Variants in ZCCHC7 observed in about 807,000 individuals in gnomAD.
ZCCHC7 encodes the protein zinc finger CCHC-type containing 7, also known as zinc finger CCHC domain-containing protein 7.
A neutral mutation model predicts 52.0 loss-of-function variants in ZCCHC7; 35 were observed. The ratio of observed to expected loss-of-function variants is 0.67; its 90% confidence interval spans 0.51 to 0.89. The LOEUF (loss-of-function observed/expected upper bound fraction) is 0.89. Ranked by LOEUF, ZCCHC7 falls within the 40% of genes least tolerant of loss-of-function variation. The pLI, the probability that ZCCHC7 is intolerant of heterozygous loss-of-function variation, is 0.00. For synonymous variants in ZCCHC7, 217 were observed against 221.5 expected (o/e 0.98, Z 0.18); for missense variants, 574 against 649.1 (o/e 0.88, Z 1.26).
chr9:37,232,158 T>C (rs528119999), intron 2 of ZCCHC7, among the ~76,000 whole-genome samples: 1 of 152,322 alleles, frequency 6.6e-6, no homozygotes, highest in Admixed American at 6.5e-5. Context: ...GCAGTTACTG[T>C]GTACAGTGCA....
intron 2 of ZCCHC7, among the ~76,000 whole-genome samples, chr9:37,229,437 T>G (rs1825289785): frequency 6.6e-6 from 1 of 152,192 alleles, no homozygotes; most frequent in Admixed American, 6.5e-5. Flanking sequence ...CATAGCCTCA[T>G]GCACACCTAG....
At chr9:37,180,514 G>GA (rs1292760256) in intron 2 of ZCCHC7, among the ~76,000 whole-genome samples, 1 of 150,892 alleles carries the variant, frequency 6.6e-6, no homozygotes, top group Non-Finnish European at 1.5e-5. Context: ...TTCACAATCT[G>GA]AAAAAAACGT....
At chr9:37,179,395 C>T (rs1822230701) in intron 2 of ZCCHC7, among the ~76,000 whole-genome samples, 1 of 152,130 alleles carries the variant, frequency 6.6e-6, no homozygotes, top group African/African-American at 2.4e-5. Context: ...TGTGTAATGC[C>T]ATTCAATCAT....
intron 2 of ZCCHC7, among the ~76,000 whole-genome samples, chr9:37,299,291 G>C (rs1006175914): frequency 1.3e-5 from 2 of 152,134 alleles, no homozygotes; most frequent in Non-Finnish European, 2.9e-5. Context: ...GCAAAGGTCT[G>C]GAAGATTTAA....
At chr9:37,222,491 C>G (rs985309198) in intron 2 of ZCCHC7, among the ~76,000 whole-genome samples, 1 of 151,530 alleles carries the variant, frequency 6.6e-6, no homozygotes, top group Non-Finnish European at 1.5e-5. Context: ...CTGCTCCATA[C>G]TATACATCAA....
chr9:37,152,114 TC>T (rs1467509319), intron 2 of ZCCHC7, among the ~76,000 whole-genome samples: 1 of 152,218 alleles, frequency 6.6e-6, no homozygotes, highest in Non-Finnish European at 1.5e-5. Context: ...AGAATTTCTC[TC>T]CCTGGAGTGC....
chr9:37,176,410 C>G (rs1822034789), intron 2 of ZCCHC7, among the ~76,000 whole-genome samples: 1 of 152,098 alleles, frequency 6.6e-6, no homozygotes, highest in Non-Finnish European at 1.5e-5. Context: ...TTAAGGTAGC[C>G]TAGGAACTCA....
chr9:37,354,921 A>C lies in ZCCHC7; in HGVS notation c.1198+97A>C. On this transcript the variant is annotated intron_variant, in intron 8 of 8. Transcript: ENST00000336755. The surrounding 1 kb of genome is among the most constrained non-coding windows in gnomAD (Gnocchi z 4.0). ...CCTGCTTTGGGGGTCATTGGTTAGC[A>C]TAGAAAGTATTTTTAGTAATTACCA... 1 of 719,796 alleles carries C rather than the reference A, an allele frequency of 1.4e-6. No individual in the cohort carries two copies. The highest frequency in any genetic ancestry group is 2.2e-6 in the Non-Finnish European group (1 of 449,446). The allele number at this position is 719,796 out of a possible 1,614,324, so 44.6% of individuals were successfully genotyped here.
At chr9:37,155,852 G>T (rs183661975) in intron 2 of ZCCHC7, among the ~76,000 whole-genome samples, 25 of 152,322 alleles carry the variant, frequency 1.6e-4, no homozygotes, top group African/African-American at 6.0e-4. Flanking sequence ...GTTGTGCATT[G>T]TAGATGCCTC....
chr9:37,348,828 G>T (rs1248303208), intron 6 of ZCCHC7, among the ~76,000 whole-genome samples: 1 of 152,198 alleles, frequency 6.6e-6, no homozygotes, highest in African/African-American at 2.4e-5. Context: ...TTGGCAGCAT[G>T]TATGCTCTTT....
chr9:37,338,451 A>G (rs538103731), intron 6 of ZCCHC7, among the ~76,000 whole-genome samples: 147 of 152,340 alleles, frequency 9.6e-4, no homozygotes, highest in African/African-American at 3.4e-3. Context: ...AGACATAAGT[A>G]TACAAACATA....
At chr9:37,171,997 A>G (rs1469745336) in intron 2 of ZCCHC7, among the ~76,000 whole-genome samples, 1 of 152,178 alleles carries the variant, frequency 6.6e-6, no homozygotes, top group Non-Finnish European at 1.5e-5. Flanking sequence ...TTTCTATCAA[A>G]TTCATTAAAT....
intron 2 of ZCCHC7, among the ~76,000 whole-genome samples, chr9:37,275,380 T>G (rs1179278322): frequency 6.6e-6 from 1 of 151,298 alleles, no homozygotes; most frequent in African/African-American, 2.4e-5. Flanking sequence ...TAATTTTGTA[T>G]ACATCAGGCT....
intron 2 of ZCCHC7, among the ~76,000 whole-genome samples, chr9:37,294,568 A>C (rs754159358): frequency 6.6e-6 from 1 of 152,162 alleles, no homozygotes; most frequent in Non-Finnish European, 1.5e-5. Flanking sequence ...TTATTACAGA[A>C]ATTGTAAGTT....
At chr9:37,346,733 T>C (rs1425576915) in intron 6 of ZCCHC7, among the ~76,000 whole-genome samples, 1 of 152,186 alleles carries the variant, frequency 6.6e-6, no homozygotes, top group African/African-American at 2.4e-5. Context: ...CTCAGCACTT[T>C]AGGAGGCCAA....
chr9:37,322,354 A>G (rs1830087369), intron 5 of ZCCHC7: 2 of 151,970 alleles, frequency 1.3e-5, no homozygotes. Context: ...TCTCACTACT[A>G]CACTTGACTA....
chr9:37,186,828 T>C (rs1355201741), intron 2 of ZCCHC7: 1 of 392,370 alleles, frequency 2.5e-6, no homozygotes. Flanking sequence ...TCAAAGAATT[T>C]GTTTCTGTGT....
intron 6 of ZCCHC7, among the ~76,000 whole-genome samples, chr9:37,347,493 A>G (rs1334723139): frequency 1.3e-5 from 2 of 152,268 alleles, no homozygotes; most frequent in Non-Finnish European, 2.9e-5. Context: ...ACTGAAAAGT[A>G]TGTAAAATAC....
chr9:37,302,699 C>T (rs759920881), intron 3 of ZCCHC7, among the ~76,000 whole-genome samples: 4 of 152,156 alleles, frequency 2.6e-5, no homozygotes, highest in South Asian at 4.1e-4. Context: ...AGCAAAATAA[C>T]AAATAAAAGA....
Sources: allele counts gnomAD v4.1 joint callset (sites outside exome capture counted in the v4.1 genomes callset), GRCh38; gene constraint gnomAD v4.1.1; non-coding constraint Gnocchi (gnomAD v3.1); transcripts MANE v1.5; gene names NCBI Gene and HGNC (gene_info 2026-07-23, HGNC 2026-07-21).